CTNNA3: variants seen among roughly 807,000 people sequenced by gnomAD.
CTNNA3 encodes the protein catenin alpha 3.
CTNNA3 carries 76 observed loss-of-function variants against 95.7 expected under a neutral mutation model. The ratio of observed to expected loss-of-function variants is 0.79; its 90% CI spans 0.66 to 0.96. CTNNA3 has a LOEUF of 0.96. CTNNA3 is among the 40% of genes least tolerant of loss of function. The pLI is 0.00. For missense variants in CTNNA3, 1,191 were observed against 1,089.8 expected, an observed-to-expected ratio of 1.09 and a Z score of -1.31; for synonymous variants, 431 against 374.4, an observed-to-expected ratio of 1.15 and a Z score of -1.74.
intron 15 of CTNNA3, among the ~76,000 whole-genome samples, chr10:66,029,205 C>A (rs1373069189): frequency 1.3e-5 from 2 of 152,126 alleles, no homozygotes; most frequent in Non-Finnish European, 2.9e-5. Context: ...TTGCTTCTTA[C>A]ATTTATTTAT....
intron 1 of CTNNA3, among the ~76,000 whole-genome samples, chr10:67,668,840 T>C (rs995966091): frequency 1.4e-5 from 2 of 142,384 alleles, no homozygotes; most frequent in African/African-American, 5.4e-5. Context: ...TTCTTTTTTT[T>C]TTTTTTTTTT....
chr10:66,841,334 A>G (rs1431406541), intron 7 of CTNNA3, among the ~76,000 whole-genome samples: 1 of 152,154 alleles, frequency 6.6e-6, no homozygotes, highest in African/African-American at 2.4e-5. Context: ...AAACTCCACT[A>G]CACAGTGTCT....
At chr10:66,457,471 C>A (rs57014556) in intron 11 of CTNNA3, among the ~76,000 whole-genome samples, 3,318 of 152,042 alleles carry the variant, frequency 0.022, 124 homozygotes, top group African/African-American at 0.077. Flanking sequence ...CTTGTTTACA[C>A]TTCCCATATG....
intron 7 of CTNNA3, among the ~76,000 whole-genome samples, chr10:67,177,196 A>C (rs1221964053): frequency 6.6e-6 from 1 of 152,152 alleles, no homozygotes; most frequent in Non-Finnish European, 1.5e-5. Context: ...TTTCTTGCTA[A>C]TTTCTTCTTA....
intron 9 of CTNNA3, among the ~76,000 whole-genome samples, chr10:66,692,099 C>T (rs1053693413): frequency 2.6e-5 from 4 of 152,188 alleles, no homozygotes; most frequent in Non-Finnish European, 5.9e-5. Context: ...AGCAATGGAA[C>T]AAAGCTGGAC....
intron 11 of CTNNA3, among the ~76,000 whole-genome samples, chr10:66,488,164 TCA>T (rs1215357405): frequency 6.6e-6 from 1 of 152,208 alleles, no homozygotes; most frequent in Non-Finnish European, 1.5e-5. Flanking sequence ...ATTGACAAAT[TCA>T]CAGATCTCTG....
At chr10:67,000,513 G>A (rs1324908622) in intron 7 of CTNNA3, among the ~76,000 whole-genome samples, 2 of 152,178 alleles carry the variant, frequency 1.3e-5, no homozygotes, top group Non-Finnish European at 2.9e-5. Context: ...CTTAAGGCCA[G>A]TTCAGTAATC....
intron 5 of CTNNA3, among the ~76,000 whole-genome samples, chr10:67,294,386 G>A (rs1293523585): frequency 6.6e-6 from 1 of 152,100 alleles, no homozygotes; most frequent in African/African-American, 2.4e-5. Flanking sequence ...AACTTAAAAT[G>A]TATTCAACTA....
intron 12 of CTNNA3, among the ~76,000 whole-genome samples, chr10:66,315,691 A>C (rs1350481469): frequency 2.6e-5 from 4 of 152,090 alleles, no homozygotes; most frequent in African/African-American, 9.7e-5. Context: ...GATAAAAGGC[A>C]ATATGTTAAA....
intron 9 of CTNNA3, among the ~76,000 whole-genome samples, chr10:66,640,332 A>G: frequency 6.6e-6 from 1 of 152,150 alleles, no homozygotes; most frequent in East Asian, 1.9e-4. Context: ...TACCTTCCCC[A>G]AGGCAATGTC....
intron 5 of CTNNA3, among the ~76,000 whole-genome samples, chr10:67,321,082 G>T (rs1227764651): frequency 6.6e-6 from 1 of 152,094 alleles, no homozygotes; most frequent in Admixed American, 6.5e-5. Flanking sequence ...TGCAGAAAAA[G>T]TTCTTTGTGG....
At chr10:67,352,185 A>G (rs1589202113) in intron 5 of CTNNA3, among the ~76,000 whole-genome samples, 2 of 152,064 alleles carry the variant, frequency 1.3e-5, no homozygotes, top group East Asian at 3.9e-4. Context: ...GGAAAAAGTG[A>G]TTGTCTGAGT....
chr10:66,917,786 C>T (rs1846572356), intron 7 of CTNNA3, among the ~76,000 whole-genome samples: 1 of 152,172 alleles, frequency 6.6e-6, no homozygotes, highest in Admixed American at 6.5e-5. Context: ...TCTTCAAAAA[C>T]TCTTGTCACA....
At chr10:66,057,047 C>A (rs1262784461) in intron 15 of CTNNA3, among the ~76,000 whole-genome samples, 2 of 152,126 alleles carry the variant, frequency 1.3e-5, no homozygotes, top group Non-Finnish European at 2.9e-5. Context: ...AAATGTCCTG[C>A]TCCTATTTAG....
intron 7 of CTNNA3, 36 bp from the exon 8 acceptor site, chr10:66,775,560 C>A: frequency 7.0e-7 from 1 of 1,431,058 alleles, no homozygotes; most frequent in South Asian, 1.2e-5. Flanking sequence ...GCAATGGTAT[C>A]AATTAATCTT....
At chr10:66,274,568 G>A (rs1390333886) in intron 13 of CTNNA3, among the ~76,000 whole-genome samples, 1 of 152,024 alleles carries the variant, frequency 6.6e-6, no homozygotes, top group Non-Finnish European at 1.5e-5. Context: ...GTCCATGCAA[G>A]TTTTTCTAAT....
At chr10:67,362,001 T>A (rs10823036) in intron 5 of CTNNA3, among the ~76,000 whole-genome samples, 1 of 152,034 alleles carries the variant, frequency 6.6e-6, no homozygotes, top group Non-Finnish European at 1.5e-5. Flanking sequence ...TATCTATGCA[T>A]ACAAACTAGA....
intron 9 of CTNNA3, among the ~76,000 whole-genome samples, chr10:66,744,838 T>C (rs1849448997): frequency 6.6e-6 from 1 of 152,202 alleles, no homozygotes; most frequent in South Asian, 2.1e-4. Context: ...GTATAATCAC[T>C]ATATCTTTAG....
chr10:66,291,192 C>G (rs1345883133), intron 12 of CTNNA3, among the ~76,000 whole-genome samples: 1 of 152,126 alleles, frequency 6.6e-6, no homozygotes, highest in Non-Finnish European at 1.5e-5. Flanking sequence ...ATTGCATTTT[C>G]TCATTGCATT....
Sources: gnomAD v4.1 joint callset for allele counts (sites outside exome capture counted in the v4.1 genomes callset) on GRCh38, gnomAD v4.1.1 for gene constraint, MANE v1.5 for transcripts, NCBI Gene and HGNC (gene_info 2026-07-23, HGNC 2026-07-21) for gene names.